The following NOX4 variants were observed in gnomAD, a reference collection of about 807,000 sequenced individuals.
NOX4 encodes the protein kidney oxidase-1.
Under a neutral mutation model 87.6 loss-of-function variants are expected in NOX4, and 69 were observed. That is an observed-to-expected ratio of 0.79 (90% CI 0.65 to 0.96). The LOEUF (loss-of-function observed/expected upper bound fraction) is 0.96, where lower values mean the gene tolerates loss of function less well. Among genes scored for constraint, NOX4 ranks in the 40% least tolerant of loss-of-function variants. NOX4 has a pLI of 0.00. For missense variants in NOX4, 680 were observed against 681.5 expected (o/e 1.00, Z 0.02); for synonymous variants, 275 against 238.2 (o/e 1.15, Z -1.42).
intron 13 of NOX4, among the ~76,000 whole-genome samples, chr11:89,346,079 T>C (rs1291975095): frequency 6.6e-6 from 1 of 152,200 alleles, no homozygotes; most frequent in Non-Finnish European, 1.5e-5. Flanking sequence ...ATGACTTCAG[T>C]AGTTTCAGTA....
In NOX4 at chr11:89,341,469, C is replaced by T. The variant is rs192029365; in HGVS notation, c.1337+605G>A. ...CTTTCTTTAGTCTGTTGTAAATTTG[C>T]TAAGTAATAAATGAAGGAATGATGT... On this transcript the variant is annotated intron_variant, in intron 14 of 17. Transcript: ENST00000263317. Among the ~76,000 whole-genome samples, 88 of 152,192 alleles carry T rather than the reference C, an allele frequency of 5.8e-4. 1 individual carries two copies. Among genetic ancestry groups the T allele is most frequent in the Admixed American group, 1.0e-3 (16 of 15,274 alleles).
intron 13 of NOX4, among the ~76,000 whole-genome samples, chr11:89,344,417 G>A (rs925744947): frequency 6.6e-6 from 1 of 152,082 alleles, no homozygotes; most frequent in Non-Finnish European, 1.5e-5. Context: ...GGGCACGGTG[G>A]CACATGCTTG....
intron 7 of NOX4, among the ~76,000 whole-genome samples, chr11:89,431,775 T>C (rs1237195945): frequency 1.3e-5 from 2 of 152,164 alleles, no homozygotes; most frequent in Non-Finnish European, 2.9e-5. Flanking sequence ...AATTCAATCA[T>C]TGTGGAAGAC....
At chr11:89,439,375 C>A (rs1009799167) in intron 6 of NOX4, among the ~76,000 whole-genome samples, 3 of 151,806 alleles carry the variant, frequency 2.0e-5, no homozygotes, top group Non-Finnish European at 2.9e-5. Flanking sequence ...AAATTGTGTT[C>A]CTAAAGAGAA....
the NOX4 span, among the ~76,000 whole-genome samples, chr11:89,584,279 C>T: frequency 1.3e-5 from 2 of 151,990 alleles, no homozygotes; most frequent in East Asian, 1.9e-4. Context: ...TATATATCAC[C>T]GAAGGTTGCT....
chr11:89,427,567 G>A lies in NOX4; in HGVS notation c.548+5217C>T, dbSNP rs150781345. Among the ~76,000 whole-genome samples, 28 of 152,260 alleles carry A rather than the reference G, an allele frequency of 1.8e-4. No homozygotes were observed. The East Asian group carries it at 2.7e-3, about 15-fold the overall frequency. On this transcript the variant is annotated intron_variant, in intron 7 of 17. Coordinates refer to ENST00000263317, the MANE Select transcript of NOX4 (RefSeq NM_016931.5). ...CTGAAAACCATGGCACGAGAACTAC[G>A]TGACGAATGACAAGCTTCAGTAGCC... is the stretch of plus-strand genomic sequence containing the variant.
At chr11:89,435,272 G>C (rs1338323578) in intron 6 of NOX4, among the ~76,000 whole-genome samples, 1 of 152,018 alleles carries the variant, frequency 6.6e-6, no homozygotes, top group African/African-American at 2.4e-5. Context: ...TATAGTTAGA[G>C]GGGCCTTTCC....
the NOX4 span, among the ~76,000 whole-genome samples, chr11:89,565,277 A>C: frequency 1.3e-5 from 2 of 152,096 alleles, no homozygotes; most frequent in East Asian, 3.9e-4. Flanking sequence ...ATATTATAAT[A>C]TTATGTTTTA....
Position 89,444,131 on chromosome 11 carries a change from C to G in NOX4, c.447+4G>C. 6.2e-7 allele frequency: 1 copy of G among 1,611,978 alleles called. No homozygotes were observed. Among genetic ancestry groups the G allele is most frequent in the Non-Finnish European group, 8.5e-7 (1 of 1,178,400 alleles). On this transcript the variant is annotated splice_donor_region_variant and intron_variant, in intron 5 of 17. Transcript: ENST00000263317. ...AGAAAAATGGGAAGACAGAGACCACCCACCTCATCTCGGTATCTTGCTGCA... is the reference window on the plus strand; with the variant it reads ...AGAAAAATGGGAAGACAGAGACCACGCACCTCATCTCGGTATCTTGCTGCA...
At chr11:89,553,804 T>TG in the NOX4 span, among the ~76,000 whole-genome samples, 4 of 152,056 alleles carry the variant, frequency 2.6e-5, no homozygotes, top group Admixed American at 2.0e-4. Flanking sequence ...CATTTTATCT[T>TG]TACCAGATAA....
chr11:89,528,096 C>G, the NOX4 span, among the ~76,000 whole-genome samples: 63,025 of 152,024 alleles, frequency 0.41, 13,912 homozygotes, highest in African/African-American at 0.56. Context: ...AGTCAAAGGA[C>G]ATCATTTCAG....
chr11:89,342,655 C>T (rs12797241), intron 13 of NOX4, among the ~76,000 whole-genome samples: 1 of 152,064 alleles, frequency 6.6e-6, no homozygotes, highest in Non-Finnish European at 1.5e-5. Context: ...AGAAAAATAG[C>T]AGGAGTAAGG....
chr11:89,516,276 A>G, the NOX4 span, among the ~76,000 whole-genome samples: 2 of 152,102 alleles, frequency 1.3e-5, no homozygotes, highest in African/African-American at 4.8e-5. Flanking sequence ...AAACAGTCCT[A>G]TATCTTTTAA....
In NOX4 at chr11:89,369,323, C is replaced by T. The variant is rs189086152; in HGVS notation, c.1135+4109G>A. ...AGGACATAGGGTATAGGTGAGGCTA[C>T]TACAATCTATAAACCATGGCTAAGT... is the stretch of plus-strand genomic sequence containing the variant. On this transcript the variant is annotated intron_variant, in intron 12 of 17. Coordinates refer to ENST00000263317, the MANE Select transcript of NOX4 (RefSeq NM_016931.5). 9.2e-5 allele frequency among the ~76,000 whole-genome samples: 14 copies of T among 152,088 alleles called. No homozygotes were observed. The East Asian group carries it at 2.7e-3, about 29-fold the overall frequency.
intron 6 of NOX4, among the ~76,000 whole-genome samples, chr11:89,434,289 G>A (rs1023407962): frequency 6.6e-5 from 10 of 152,038 alleles, no homozygotes; most frequent in Admixed American, 5.9e-4. Context: ...AAAAATAAGA[G>A]AATTAGTCTA....
the NOX4 span, among the ~76,000 whole-genome samples, chr11:89,566,993 C>T: frequency 6.6e-6 from 1 of 152,136 alleles, no homozygotes; most frequent in Non-Finnish European, 1.5e-5. Flanking sequence ...GGTGTTGGCA[C>T]AGCATGACTA....
chr11:89,474,541 A>G (rs1946086334), intron 2 of NOX4, among the ~76,000 whole-genome samples: 2 of 151,400 alleles, frequency 1.3e-5, no homozygotes, highest in South Asian at 2.1e-4. Flanking sequence ...TTATGGCATT[A>G]TGGTGCACTA....
At chr11:89,442,632 C>T (rs900213042) in intron 5 of NOX4, among the ~76,000 whole-genome samples, 8 of 151,870 alleles carry the variant, frequency 5.3e-5, no homozygotes, top group African/African-American at 1.7e-4. Context: ...CTCAAAATAT[C>T]AGAAAAAAAC....
chr11:89,521,153 T>C, the NOX4 span, among the ~76,000 whole-genome samples: 19 of 152,152 alleles, frequency 1.2e-4, no homozygotes, highest in Non-Finnish European at 2.4e-4. Context: ...ACTCTTAATA[T>C]TGTTTTTCAC....
Sources: allele counts gnomAD v4.1 joint callset (sites outside exome capture counted in the v4.1 genomes callset), GRCh38; gene constraint gnomAD v4.1.1; transcripts MANE v1.5; gene names NCBI Gene and HGNC (gene_info 2026-07-23, HGNC 2026-07-21).